ZNF593: variants seen among roughly 807,000 people sequenced by gnomAD.
The protein encoded by ZNF593 is BUD20 homolog.
ZNF593 carries 18 observed loss-of-function variants against 12.9 expected under a neutral mutation model. The observed-to-expected ratio is 1.40, with a 90% confidence interval of 0.96 to 2.07. The LOEUF is 2.07. Ranked by LOEUF, ZNF593 falls within the 30% of genes most tolerant of loss-of-function variation. The probability of loss-of-function intolerance (pLI) is 0.00; values close to 1 mark genes in which losing one functional copy is unlikely to be tolerated. For synonymous variants in ZNF593, 79 were observed against 79.9 expected (o/e 0.99, Z 0.06); for missense variants, 198 against 186.7 (o/e 1.06, Z -0.35).
Position 26,170,732 on chromosome 1 carries a change from C to A in ZNF593, c.*16C>A. 6.3e-7 allele frequency: 1 copy of A among 1,598,830 alleles called. No individual in the cohort carries two copies. Among genetic ancestry groups the A allele is most frequent in the East Asian group, 2.2e-5 (1 of 44,824 alleles). ...CTCTACCTGACATGGCCTGAAGATG[C>A]AGGGCAGAGGAATTGCCCATGGACA... On this transcript the variant is annotated 3_prime_UTR_variant, in exon 3 of 3. Coordinates refer to ENST00000374266, the MANE Select transcript of ZNF593 (RefSeq NM_015871.5).
Position 26,170,706 on chromosome 1 carries a change from C to A in ZNF593, c.395C>A (p.Thr132Asn). Reference protein sequence around the residue: ...EVSTEVPEMDTST With the variant: ...EVSTEVPEMDNST The stretch of plus-strand genomic sequence containing the variant: ...TCCACTGAGGTCCCTGAGATGGATA[C>A]CTCTACCTGACATGGCCTGAAGATG... Residue 132 changes from threonine (T) to asparagine (N), a missense_variant, in exon 3 of 3, where the codon ACC (threonine) becomes AAC (asparagine). Coordinates refer to ENST00000374266, the MANE Select transcript of ZNF593 (RefSeq NM_015871.5). 1 of 1,605,998 alleles carries A rather than the reference C, an allele frequency of 6.2e-7. No homozygotes were observed. The highest frequency in any genetic ancestry group is 1.3e-5 in the African/African-American group (1 of 75,026).
rs1043344394 is a variant in ZNF593 at position 26,170,093 on chromosome 1, C to T, written c.110C>T (p.Pro37Leu). The change falls in exon 1 of 3, where the codon CCT becomes CTT. Residue 37 changes from proline (P) to leucine (L), a missense_variant. Pro to Leu is a moderately conservative substitution (Grantham distance 98, BLOSUM62 -3). Transcript: ENST00000374266. ...GATGAGATTCACCGCGAGCTGCGGC[C>T]TCAGGGATCCGCACGACCCCAGCCC... ...DLDEIHRELRPQGSARPQPDP... is the reference protein window; with the variant it reads ...DLDEIHRELRLQGSARPQPDP... 5 of 1,571,600 alleles carry T rather than the reference C, an allele frequency of 3.2e-6. No homozygotes were observed. Among genetic ancestry groups the T allele is most frequent in the Non-Finnish European group, 4.3e-6 (5 of 1,161,026 alleles).
rs1393439235 is a variant in ZNF593 at position 26,170,596 on chromosome 1, G to A, written c.285G>A (p.Glu95=). 2 of 1,613,794 alleles carry A rather than the reference G, an allele frequency of 1.2e-6. No homozygotes were observed. The highest frequency in any genetic ancestry group is 2.2e-5 in the South Asian group (2 of 91,080). The change falls in exon 3 of 3, where the codon GAG becomes GAA. Residue 95 remains glutamate, a synonymous_variant. Coordinates refer to ENST00000374266, the MANE Select transcript of ZNF593 (RefSeq NM_015871.5). ...HKKRLKQLSV[E]PYSQEEAERA... is the part of the protein sequence containing the mutation. ...CCAGGCTGAAGCAGCTGAGCGTCGA[G>A]CCCTACAGTCAGGAAGAGGCGGAGA...
Position 26,169,999 on chromosome 1 carries a change from C to T in ZNF593, c.16C>T (p.Arg6Trp), listed in dbSNP as rs1466156719. MGRSR[R>W]TGAHRAHSLA... is the part of the protein sequence containing the mutation. ...GTTTCTGGCCATGGGTCGCTCCCGC[C>T]GGACAGGCGCGCACCGAGCGCACTC... The change falls in exon 1 of 3, where the codon CGG (arginine) becomes TGG (tryptophan). Residue 6 changes from arginine to tryptophan, a missense_variant. Arg to Trp is a moderately radical substitution (Grantham distance 101). Coordinates refer to ENST00000374266, the MANE Select transcript of ZNF593 (RefSeq NM_015871.5). 2.6e-6 allele frequency: 4 copies of T among 1,550,676 alleles called. No individual in the cohort carries two copies. Among genetic ancestry groups the T allele is most frequent in the Non-Finnish European group, 2.6e-6 (3 of 1,151,468 alleles).
In ZNF593 at chr1:26,169,991, G is replaced by C; in HGVS notation, c.8G>C (p.Arg3Pro). The C allele has an allele frequency of 6.5e-7, 1 of 1,545,594 alleles. No homozygotes were observed. The highest frequency in any genetic ancestry group is 8.7e-7 in the Non-Finnish European group (1 of 1,149,174). Residue 3 changes from arginine (R) to proline (P), a missense_variant, in exon 1 of 3, where the codon CGC becomes CCC. Arg to Pro is a moderately radical substitution (Grantham distance 103). Coordinates refer to ENST00000374266, the MANE Select transcript of ZNF593 (RefSeq NM_015871.5). ...GCCGGGCTGTTTCTGGCCATGGGTC[G>C]CTCCCGCCGGACAGGCGCGCACCGA... MG[R>P]SRRTGAHRAH...
In ZNF593 at chr1:26,170,008, G is replaced by C; in HGVS notation, c.25G>C (p.Ala9Pro). 1 of 1,556,768 alleles carries C rather than the reference G, an allele frequency of 6.4e-7. No individual in the cohort carries two copies. The highest frequency in any genetic ancestry group is 8.7e-7 in the Non-Finnish European group (1 of 1,154,576). Residue 9 changes from alanine to proline, a missense_variant, in exon 1 of 3, where the codon GCG (alanine) becomes CCG (proline). Coordinates refer to ENST00000374266, the MANE Select transcript of ZNF593 (RefSeq NM_015871.5). The part of the protein sequence containing the change: MGRSRRTG[A>P]HRAHSLARQM... Reference sequence around the variant, plus strand: ...CATGGGTCGCTCCCGCCGGACAGGCGCGCACCGAGCGCACTCTCTAGCCCG... The same window carrying C: ...CATGGGTCGCTCCCGCCGGACAGGCCCGCACCGAGCGCACTCTCTAGCCCG...
chr1:26,170,850 A>C lies in ZNF593; in HGVS notation c.*134A>C. On this transcript the variant is annotated 3_prime_UTR_variant, in exon 3 of 3. Transcript: ENST00000374266. ...GGCCTCTTCTTGGTGCCCTGCCCCA[A>C]ATAAAGGAACTGGACAAAGAGAACT... is the stretch of plus-strand genomic sequence containing the variant. 4.5e-6 allele frequency: 5 copies of C among 1,109,412 alleles called. No individual in the cohort carries two copies. Among genetic ancestry groups the C allele is most frequent in the Non-Finnish European group, 6.3e-6 (5 of 797,572 alleles). 68.7% of individuals were successfully genotyped at this position (1,109,412 alleles called of 1,614,324 possible).
In ZNF593 at chr1:26,170,431, G is replaced by A. The variant is rs757730721; in HGVS notation, c.214G>A (p.Asp72Asn). Residue 72 changes from aspartate (D) to asparagine (N), a missense_variant, in exon 2 of 3, where the codon GAT becomes AAT. Coordinates refer to ENST00000374266, the MANE Select transcript of ZNF593 (RefSeq NM_015871.5). ...RCLACARYFI[D>N]STNLKTHFRS... ...CCATTCCTACAGGAGGTACTTCATC[G>A]ATTCCACCAACCTGAAGACCCACTT... is the stretch of plus-strand genomic sequence containing the variant. 5 of 1,613,814 alleles carry A rather than the reference G, an allele frequency of 3.1e-6. No individual in the cohort carries two copies. Among genetic ancestry groups the A allele is most frequent in the Admixed American group, 1.7e-5 (1 of 59,998 alleles).
At position 26,170,717 on chromosome 1, in the gene ZNF593, C is replaced by G. The variant is rs1288752665; in HGVS notation, c.*1C>G. On this transcript the variant is annotated 3_prime_UTR_variant, in exon 3 of 3. Transcript: ENST00000374266. ...CCCTGAGATGGATACCTCTACCTGACATGGCCTGAAGATGCAGGGCAGAGG... is the reference window on the plus strand; with the variant it reads ...CCCTGAGATGGATACCTCTACCTGAGATGGCCTGAAGATGCAGGGCAGAGG... 2.5e-6 allele frequency: 4 copies of G among 1,603,340 alleles called. No homozygotes were observed. The highest frequency in any genetic ancestry group is 3.4e-6 in the Non-Finnish European group (4 of 1,179,324).
In ZNF593 at chr1:26,170,862, G is replaced by A. The variant is rs1375883208; in HGVS notation, c.*146G>A. On this transcript the variant is annotated 3_prime_UTR_variant, in exon 3 of 3. Transcript: ENST00000374266. ...GTGCCCTGCCCCAAATAAAGGAACTGGACAAAGAGAACTTGCCTCCAACTC... is the reference window on the plus strand; with the variant it reads ...GTGCCCTGCCCCAAATAAAGGAACTAGACAAAGAGAACTTGCCTCCAACTC... 6.7e-6 allele frequency: 7 copies of A among 1,050,074 alleles called. No homozygotes were observed. In the Admixed American group the frequency reaches 8.6e-5, roughly 13 times the overall value. 65.0% of individuals were successfully genotyped at this position (1,050,074 alleles called of 1,614,324 possible).
rs745744433 is a variant in ZNF593, at chr1:26,170,624, G to A, written c.313G>A (p.Ala105Thr). 3 of 1,613,470 alleles carry A rather than the reference G, an allele frequency of 1.9e-6. No homozygotes were observed. Among genetic ancestry groups the A allele is most frequent in the Non-Finnish European group, 1.7e-6 (2 of 1,180,038 alleles). Reference protein sequence around the residue: ...EPYSQEEAERAAGMGSYVPPR... With the variant: ...EPYSQEEAERTAGMGSYVPPR... ...CTACAGTCAGGAAGAGGCGGAGAGG[G>A]CAGCGGGTATGGGATCCTATGTGCC... Residue 105 changes from alanine (A) to threonine (T), a missense_variant, in exon 3 of 3, where the codon GCA (alanine) becomes ACA (threonine). Transcript: ENST00000374266.
chr1:26,170,210 G>A (rs2088472818), intron 1 of ZNF593, 27 bp downstream of exon 1: 1 of 1,577,448 alleles, frequency 6.3e-7, no homozygotes, highest in South Asian at 1.1e-5. Context: ...CCCGGCCTGG[G>A]GCGGAGGAGG....
chr1:26,170,604 G>A lies in ZNF593; in HGVS notation c.293G>A (p.Ser98Asn). The A allele has an allele frequency of 6.2e-7, 1 of 1,613,748 alleles. No homozygotes were observed. Among genetic ancestry groups the A allele is most frequent in the Non-Finnish European group, 8.5e-7 (1 of 1,180,042 alleles). ...RLKQLSVEPY[S>N]QEEAERAAGM... ...AAGCAGCTGAGCGTCGAGCCCTACAGTCAGGAAGAGGCGGAGAGGGCAGCG... is the reference window on the plus strand; with the variant it reads ...AAGCAGCTGAGCGTCGAGCCCTACAATCAGGAAGAGGCGGAGAGGGCAGCG... Residue 98 changes from serine (S) to asparagine (N), a missense_variant, in exon 3 of 3, where the codon AGT (serine) becomes AAT (asparagine). Transcript: ENST00000374266.
rs2088468243 is a variant in ZNF593, at chr1:26,169,997, G to A, written c.14G>A (p.Arg5His). The A allele has an allele frequency of 1.9e-6, 3 of 1,549,294 alleles. No individual in the cohort carries two copies. The highest frequency in any genetic ancestry group is 1.4e-5 in the African/African-American group (1 of 73,766). MGRS[R>H]RTGAHRAHSL... ...CTGTTTCTGGCCATGGGTCGCTCCC[G>A]CCGGACAGGCGCGCACCGAGCGCAC... The change falls in exon 1 of 3, where the codon CGC becomes CAC. Residue 5 changes from arginine to histidine, a missense_variant. Arg to His is a conservative substitution (Grantham distance 29, BLOSUM62 0). Coordinates refer to ENST00000374266, the MANE Select transcript of ZNF593 (RefSeq NM_015871.5).
chr1:26,170,439 C>T lies in ZNF593; in HGVS notation c.222C>T (p.Thr74=). The change falls in exon 2 of 3, where the codon ACC becomes ACT. Residue 74 remains threonine, a synonymous_variant. Transcript: ENST00000374266. The part of the protein sequence containing the change: ...LACARYFIDS[T]NLKTHFRSKD... Reference sequence around the variant, plus strand: ...ACAGGAGGTACTTCATCGATTCCACCAACCTGAAGACCCACTTCCGATCCA... The same window carrying T: ...ACAGGAGGTACTTCATCGATTCCACTAACCTGAAGACCCACTTCCGATCCA... 6.2e-7 allele frequency: 1 copy of T among 1,614,114 alleles called. No individual in the cohort carries two copies.
At position 26,170,796 on chromosome 1, in the gene ZNF593, C is replaced by T. The variant is rs937696242; in HGVS notation, c.*80C>T. On this transcript the variant is annotated 3_prime_UTR_variant, in exon 3 of 3. Coordinates refer to ENST00000374266, the MANE Select transcript of ZNF593 (RefSeq NM_015871.5). ...TAGGCTGGGAGGGAGCGTGCCAACC[C>T]CTTTTGCCTCTGGGTTTGGGGAGCG... The T allele has an allele frequency of 9.2e-6, 14 of 1,522,248 alleles. No individual in the cohort carries two copies. In the African/African-American group the frequency reaches 1.5e-4, roughly 16 times the overall value. The allele number at this position is 1,522,248 out of a possible 1,614,324, so 94.3% of individuals were successfully genotyped here.
At chr1:26,170,542 T>G in intron 2 of ZNF593, 33 bp from the exon 3 acceptor site, 2 of 1,614,086 alleles carry the variant, frequency 1.2e-6, no homozygotes, top group Non-Finnish European at 1.7e-6. Flanking sequence ...TCTCACCTGG[T>G]CAGCTCCCAA....
chr1:26,170,534 TC>T, intron 2 of ZNF593, 40 bp from the exon 3 acceptor site: 1 of 1,614,108 alleles, frequency 6.2e-7, no homozygotes, highest in Non-Finnish European at 8.5e-7. Context: ...GATAGGGCTC[TC>T]ACCTGGTCAG....
rs752853039 is a variant in ZNF593, at chr1:26,170,723, C to T, written c.*7C>T. ...GATGGATACCTCTACCTGACATGGCCTGAAGATGCAGGGCAGAGGAATTGC... is the reference window on the plus strand; with the variant it reads ...GATGGATACCTCTACCTGACATGGCTTGAAGATGCAGGGCAGAGGAATTGC... On this transcript the variant is annotated 3_prime_UTR_variant, in exon 3 of 3. Transcript: ENST00000374266. 7 of 1,601,776 alleles carry T rather than the reference C, an allele frequency of 4.4e-6. No individual in the cohort carries two copies. In the South Asian group the frequency reaches 7.7e-5, roughly 18 times the overall value.
Sources: gnomAD v4.1 joint callset for allele counts on GRCh38, gnomAD v4.1.1 for gene constraint, MANE v1.5 for transcripts, NCBI Gene and HGNC (gene_info 2026-07-23, HGNC 2026-07-21) for gene names.